Variants in ANKZF1 observed in about 807,000 individuals in gnomAD.
The protein encoded by ANKZF1 is ankyrin repeat and zinc finger peptidyl tRNA hydrolase 1.
In ANKZF1, 84 loss-of-function variants were observed where a neutral mutation model predicts 86.0. That is an observed-to-expected ratio of 0.98 (90% CI 0.82 to 1.17). The LOEUF (loss-of-function observed/expected upper bound fraction) is 1.17. Among genes scored for constraint, ANKZF1 ranks in the 50% most tolerant of loss-of-function variants. The pLI is 0.00. For synonymous variants in ANKZF1, 331 were observed against 354.2 expected, an observed-to-expected ratio of 0.93 and a Z score of 0.74; for missense variants, 893 against 918.4, an observed-to-expected ratio of 0.97 and a Z score of 0.36.
chr2:219,235,059 G>C lies in ANKZF1; in HGVS notation c.1438G>C (p.Gly480Arg). 6.2e-7 allele frequency: 1 copy of C among 1,614,238 alleles called. No homozygotes were observed. Among genetic ancestry groups the C allele is most frequent in the Non-Finnish European group, 8.5e-7 (1 of 1,180,046 alleles). ...ATCCCAGGCAGTTGCTGCCCCCTTG[G>C]GCCCTTTGCTGGATGAGGCCAAAGC... ...QSSQAVAAPL[G>R]PLLDEAKAPG... is the part of the protein sequence containing the mutation. The change falls in exon 10 of 14, where the codon GGC becomes CGC. Residue 480 changes from glycine (G) to arginine (R), a missense_variant. Transcript: ENST00000323348.
intron 8 of ANKZF1, 38 bp downstream of exon 8, chr2:219,233,981 CCTG>C: frequency 6.5e-7 from 1 of 1,537,326 alleles, no homozygotes; most frequent in Non-Finnish European, 8.7e-7. Flanking sequence ...CCTAGACCTT[CCTG>C]TTCTCTCCAA....
chr2:219,235,542 T>A lies in ANKZF1; in HGVS notation c.1760T>A (p.Phe587Tyr). 1 of 1,613,980 alleles carries A rather than the reference T, an allele frequency of 6.2e-7. No homozygotes were observed. The highest frequency in any genetic ancestry group is 8.5e-7 in the Non-Finnish European group (1 of 1,180,008). ...TCAACACGTAATGAGTTCCGAAGGT[T>A]CATGGAGAAGAATCCAGATGCCTAC... Reference protein sequence around the residue: ...DKSTRNEFRRFMEKNPDAYDY... With the variant: ...DKSTRNEFRRYMEKNPDAYDY... The change falls in exon 11 of 14, where the codon TTC becomes TAC. Residue 587 changes from phenylalanine to tyrosine, a missense_variant. Coordinates refer to ENST00000323348, the MANE Select transcript of ANKZF1 (RefSeq NM_018089.3).
chr2:219,234,963 C>G lies in ANKZF1; in HGVS notation c.1342C>G (p.Arg448Gly). 6.2e-7 allele frequency: 1 copy of G among 1,614,206 alleles called. No homozygotes were observed. Reference protein sequence around the residue: ...RRKRNKKEKSRDQEAGAHRTL... With the variant: ...RRKRNKKEKSGDQEAGAHRTL... ...AAAAAGGAATAAGAAGGAGAAAAGC[C>G]GAGACCAGGAGGCTGGGGCACATCG... is the stretch of plus-strand genomic sequence containing the variant. Residue 448 changes from arginine (R) to glycine (G), a missense_variant, in exon 10 of 14, where the codon CGA (arginine) becomes GGA (glycine). Transcript: ENST00000323348.
chr2:219,235,546 G>A lies in ANKZF1; in HGVS notation c.1764G>A (p.Met588Ile), dbSNP rs1951187397. 2 of 1,613,918 alleles carry A rather than the reference G, an allele frequency of 1.2e-6. No homozygotes were observed. The highest frequency in any genetic ancestry group is 1.3e-5 in the African/African-American group (1 of 74,878). ...KSTRNEFRRFMEKNPDAYDYN... is the reference protein window; with the variant it reads ...KSTRNEFRRFIEKNPDAYDYN... ...CACGTAATGAGTTCCGAAGGTTCAT[G>A]GAGAAGAATCCAGATGCCTACGATT... The change falls in exon 11 of 14, where the codon ATG (methionine) becomes ATA (isoleucine). Residue 588 changes from methionine (M) to isoleucine (I), a missense_variant. By Grantham distance (10) the Met-to-Ile change is conservative. Coordinates refer to ENST00000323348, the MANE Select transcript of ANKZF1 (RefSeq NM_018089.3).
rs544651349 is a variant in ANKZF1, at chr2:219,233,982, C to T, written c.1048+39C>T. 8.3e-5 allele frequency: 128 copies of T among 1,537,102 alleles called. No individual in the cohort carries two copies. In the Admixed American group the frequency reaches 2.3e-3, roughly 27 times the overall value. ...CCAGATCCCAATTCCCTAGACCTTC[C>T]TGTTCTCTCCAACCTAAGCCTCCAT... On this transcript the variant is annotated intron_variant, in intron 8 of 13. Transcript: ENST00000323348.
chr2:219,234,297 A>G lies in ANKZF1; in HGVS notation c.1204+9A>G, dbSNP rs775228175. 3 of 1,613,856 alleles carry G rather than the reference A, an allele frequency of 1.9e-6. No homozygotes were observed. The highest frequency in any genetic ancestry group is 4.5e-5 in the East Asian group (2 of 44,886). ...GGAATCTCCCAAACAGGGTTTGATT[A>G]CTATCTGGCAACTGTCAGATCTGAG... On this transcript the variant is annotated intron_variant, in intron 9 of 13. Transcript: ENST00000323348.
intron 2 of ANKZF1, 61 bp downstream of exon 2, chr2:219,230,466 G>A: frequency 6.5e-7 from 1 of 1,528,286 alleles, no homozygotes; most frequent in South Asian, 1.2e-5. Flanking sequence ...TGCCCGTTCA[G>A]GGAACACATT....
At chr2:219,230,167 G>A (rs1344146325) in intron 1 of ANKZF1, 61 bp from the exon 2 acceptor site, 1 of 1,453,934 alleles carries the variant, frequency 6.9e-7, no homozygotes, top group East Asian at 2.4e-5. Context: ...AGGCAGGCAG[G>A]AGACGCAGCA....
At chr2:219,235,911 T>A in intron 12 of ANKZF1, 36 bp downstream of exon 12, 1 of 1,613,724 alleles carries the variant, frequency 6.2e-7, no homozygotes, top group East Asian at 2.2e-5. Flanking sequence ...TGGCAAGGCT[T>A]CCTAGAGGTC....
At chr2:219,236,134 G>A in intron 13 of ANKZF1, 39 bp downstream of exon 13, 2 of 1,612,382 alleles carry the variant, frequency 1.2e-6, no homozygotes, top group South Asian at 2.2e-5. Context: ...GGACTGTAAT[G>A]TTGCAGGGAC....
At chr2:219,234,046 C>G (rs145985367) in intron 8 of ANKZF1, 87 bp from the exon 9 acceptor site, 1 of 1,547,500 alleles carries the variant, frequency 6.5e-7, no homozygotes, top group East Asian at 2.2e-5. Flanking sequence ...AAGCCTTGGA[C>G]TGCAGCCCAG....
rs903095054 is a variant in ANKZF1 at position 219,229,895 on chromosome 2, C to T, written c.-36C>T. On this transcript the variant is annotated 5_prime_UTR_variant, in exon 1 of 14. The change creates a new upstream start codon in the 5' untranslated region. Coordinates refer to ENST00000323348, the MANE Select transcript of ANKZF1 (RefSeq NM_018089.3). This position sits in a 1 kb window ranked among gnomAD's most constrained non-coding sequence, Gnocchi z 4.2. ...CTTGCGAGCCGCTCAGCTCCCGGGA[C>T]GTTTGGTGCGTCTTCTAAGGGCGTG... The T allele has an allele frequency of 5.6e-5, 11 of 196,504 alleles. No homozygotes were observed. Among genetic ancestry groups the T allele is most frequent in the Non-Finnish European group, 1.2e-4 (11 of 95,148 alleles). 12.2% of individuals were successfully genotyped at this position (196,504 alleles called of 1,614,324 possible). A position where few individuals can be genotyped will look rare whatever the true frequency, so the allele number is the denominator to read the frequency against.
rs376327826 is a variant in ANKZF1, at chr2:219,233,142, G to A, written c.622G>A (p.Val208Met). The stretch of plus-strand genomic sequence containing the variant: ...GCAAAGTAGAGGTCCCAGAGACTGC[G>A]TGGTGCTCATGGCTGCAGCTGGGCA... The part of the protein sequence containing the change: ...NLQSRGPRDC[V>M]VLMAAAGHFA... The change falls in exon 6 of 14, where the codon GTG (valine) becomes ATG (methionine). Residue 208 changes from valine to methionine, a missense_variant. Val to Met is a conservative substitution (Grantham distance 21). Transcript: ENST00000323348. 26 of 1,614,086 alleles carry A rather than the reference G, an allele frequency of 1.6e-5. No individual in the cohort carries two copies. The Admixed American group carries it at 2.5e-4, about 16-fold the overall frequency.
Position 219,230,359 on chromosome 2 carries a change from C to A in ANKZF1, c.102C>A (p.His34Gln). 6.2e-7 allele frequency: 1 copy of A among 1,613,830 alleles called. No homozygotes were observed. The highest frequency in any genetic ancestry group is 8.5e-7 in the Non-Finnish European group (1 of 1,179,808). The change falls in exon 2 of 14, where the codon CAC becomes CAA. Residue 34 changes from histidine (H) to glutamine (Q), a missense_variant. By Grantham distance (24) the His-to-Gln change is conservative (BLOSUM62 0). Coordinates refer to ENST00000323348, the MANE Select transcript of ANKZF1 (RefSeq NM_018089.3). Reference protein sequence around the residue: ...PVFQGLSLVSHAPGEALARAP... With the variant: ...PVFQGLSLVSQAPGEALARAP... ...TTCAGGGCCTGAGCCTGGTGAGCCA[C>A]GCGCCTGGGGAGGCTCTGGCCCGGG...
At chr2:219,230,090 G>A (rs572340501) in intron 1 of ANKZF1, 138 bp from the exon 2 acceptor site, 3 of 650,596 alleles carry the variant, frequency 4.6e-6, no homozygotes, top group Non-Finnish European at 2.5e-6. Flanking sequence ...GGGGGCCAAG[G>A]TATTCATCTC....
At chr2:219,234,517 T>A in intron 9 of ANKZF1, 1 of 652,504 alleles carries the variant, frequency 1.5e-6, no homozygotes, top group South Asian at 1.9e-5. Context: ...GATGCGTGGA[T>A]GTGTTGCATG....
At position 219,229,891 on chromosome 2, in the gene ANKZF1, G is replaced by C. The variant is rs1950977047; in HGVS notation, c.-40G>C. ...AGGACTTGCGAGCCGCTCAGCTCCC[G>C]GGACGTTTGGTGCGTCTTCTAAGGG... is the stretch of plus-strand genomic sequence containing the variant. On this transcript the variant is annotated 5_prime_UTR_variant, in exon 1 of 14. Coordinates refer to ENST00000323348, the MANE Select transcript of ANKZF1 (RefSeq NM_018089.3). This position sits in a 1 kb window ranked among gnomAD's most constrained non-coding sequence, Gnocchi z 4.2. 2.6e-5 allele frequency: 5 copies of C among 194,136 alleles called. No homozygotes were observed. In the South Asian group the frequency reaches 4.6e-4, roughly 18 times the overall value. 12.0% of individuals were successfully genotyped at this position (194,136 alleles called of 1,614,324 possible).
Position 219,235,282 on chromosome 2 carries a change from T to C in ANKZF1, c.1661T>C (p.Leu554Pro). Reference sequence around the variant, plus strand: ...GGAAGAGGCTCAGTGGTTCGTCTGCTGCTGGAAGCAGGTGCTGACCCCACT... The same window carrying C: ...GGAAGAGGCTCAGTGGTTCGTCTGCCGCTGGAAGCAGGTGCTGACCCCACT... ...AAGRGSVVRL[L>P]LEAGADPTVQ... Residue 554 changes from leucine (L) to proline (P), a missense_variant, in exon 10 of 14, where the codon CTG (leucine) becomes CCG (proline). Leu to Pro is a moderately conservative substitution (Grantham distance 98). Coordinates refer to ENST00000323348, the MANE Select transcript of ANKZF1 (RefSeq NM_018089.3). 6.2e-7 allele frequency: 1 copy of C among 1,611,638 alleles called. No homozygotes were observed. The highest frequency in any genetic ancestry group is 8.5e-7 in the Non-Finnish European group (1 of 1,179,914).
At chr2:219,233,245 G>A (rs1420937871) in intron 6 of ANKZF1, 41 bp from the exon 7 acceptor site, 2 of 1,614,110 alleles carry the variant, frequency 1.2e-6, no homozygotes, top group Non-Finnish European at 1.7e-6. Flanking sequence ...TAGCCAGGGA[G>A]CACCAGCTGG....
Sources: allele counts gnomAD v4.1 joint callset, GRCh38; gene constraint gnomAD v4.1.1; non-coding constraint Gnocchi (gnomAD v3.1); transcripts MANE v1.5; gene names NCBI Gene and HGNC (gene_info 2026-07-23, HGNC 2026-07-21).